The following DSCAML1 variants were observed in gnomAD, a reference collection of about 807,000 sequenced individuals.
DSCAML1 encodes the protein DS cell adhesion molecule like 1.
A neutral mutation model predicts 200.5 loss-of-function variants in DSCAML1; 38 were observed. That is an observed-to-expected ratio of 0.19 (90% CI 0.15 to 0.25). DSCAML1 has a LOEUF of 0.25. Ranked by LOEUF, DSCAML1 falls within the 10% of genes least tolerant of loss-of-function variation. The pLI is 1.00. For missense variants in DSCAML1, 2,223 were observed against 2,858.8 expected (o/e 0.78, Z 5.07); for synonymous variants, 1,215 against 1,165.0 (o/e 1.04, Z -0.87).
intron 20 of DSCAML1, among the ~76,000 whole-genome samples, chr11:117,447,819 C>T (rs766826808): frequency 4.6e-5 from 7 of 152,188 alleles, no homozygotes; most frequent in Non-Finnish European, 5.9e-5. Context: ...CACTGATACG[C>T]GCGTGTGCCC....
chr11:117,493,898 G>A (rs2137253590), intron 11 of DSCAML1, among the ~76,000 whole-genome samples: 1 of 152,288 alleles, frequency 6.6e-6, no homozygotes, highest in East Asian at 1.9e-4. Context: ...AGAATGGTGG[G>A]ATTACAGGTG....
chr11:117,752,053 T>TGG (rs1165166010), intron 3 of DSCAML1, among the ~76,000 whole-genome samples: 3 of 152,200 alleles, frequency 2.0e-5, no homozygotes, highest in African/African-American at 7.2e-5. Flanking sequence ...TGTGTGTGTG[T>TGG]GTGTCACTTC....
At chr11:117,605,102 C>G (rs892616279) in intron 3 of DSCAML1, among the ~76,000 whole-genome samples, 7 of 152,182 alleles carry the variant, frequency 4.6e-5, no homozygotes, top group Non-Finnish European at 7.4e-5. Flanking sequence ...AATCATAGCT[C>G]ACTGCAGCCT....
At chr11:117,528,400 G>GC (rs2050017444) in intron 4 of DSCAML1, among the ~76,000 whole-genome samples, 1 of 152,248 alleles carries the variant, frequency 6.6e-6, no homozygotes, top group African/African-American at 2.4e-5. Context: ...TTACTCCAGA[G>GC]CAGAAGTAAA....
intron 3 of DSCAML1, among the ~76,000 whole-genome samples, chr11:117,650,220 C>T (rs2052601885): frequency 1.3e-5 from 2 of 152,142 alleles, no homozygotes; most frequent in Admixed American, 6.5e-5. Flanking sequence ...TGTGTCTGCC[C>T]ACTCCCCACA....
intron 3 of DSCAML1, among the ~76,000 whole-genome samples, chr11:117,645,228 GT>G (rs1333640227): frequency 6.6e-6 from 1 of 152,182 alleles, no homozygotes; most frequent in African/African-American, 2.4e-5. Context: ...CTCCCTCCCA[GT>G]TTGATGGATA....
intron 3 of DSCAML1, among the ~76,000 whole-genome samples, chr11:117,727,731 A>G (rs1418993698): frequency 6.6e-6 from 1 of 152,196 alleles, no homozygotes; most frequent in Non-Finnish European, 1.5e-5. Context: ...ACAAGAAGTT[A>G]TAGGCCAAGA....
chr11:117,547,362 G>A (rs75809806), intron 3 of DSCAML1, among the ~76,000 whole-genome samples: 2,298 of 152,302 alleles, frequency 0.015, 36 homozygotes, highest in East Asian at 0.078. Context: ...GCTGCACGGC[G>A]GCAGGGAAGG....
At chr11:117,622,563 G>A (rs967708847) in intron 3 of DSCAML1, among the ~76,000 whole-genome samples, 3 of 152,134 alleles carry the variant, frequency 2.0e-5, no homozygotes, top group South Asian at 2.1e-4. Flanking sequence ...TCCTTCACAC[G>A]TGCATTCTGG....
At chr11:117,756,005 C>T (rs1246900710) in intron 3 of DSCAML1, among the ~76,000 whole-genome samples, 1 of 152,254 alleles carries the variant, frequency 6.6e-6, no homozygotes, top group South Asian at 2.1e-4. Context: ...AGCTTACTGC[C>T]ATGAGTTTTC....
chr11:117,706,628 C>T (rs1200653324), intron 3 of DSCAML1, among the ~76,000 whole-genome samples: 1 of 152,202 alleles, frequency 6.6e-6, no homozygotes, highest in Non-Finnish European at 1.5e-5. Flanking sequence ...GTGTCGCAGC[C>T]AACGCCCTCA....
In DSCAML1 at chr11:117,443,866, C is replaced by T. The variant is rs1178233921; in HGVS notation, c.3862+20G>A. On this transcript the variant is annotated intron_variant, in intron 21 of 32. Transcript: ENST00000651296. ...CTTTTGGAAGTGTTTGCCCCTCTGC[C>T]ACAGCCTCAGGCTTCTCACCCTTGC... 6.4e-7 allele frequency: 1 copy of T among 1,572,274 alleles called. No individual in the cohort carries two copies. Among genetic ancestry groups the T allele is most frequent in the Non-Finnish European group, 8.6e-7 (1 of 1,158,764 alleles).
At chr11:117,581,128 C>T (rs947972807) in intron 3 of DSCAML1, among the ~76,000 whole-genome samples, 2 of 152,176 alleles carry the variant, frequency 1.3e-5, no homozygotes, top group African/African-American at 4.8e-5. Context: ...GCACTGTGGC[C>T]CTTTTGCCCC....
chr11:117,795,412 C>T (rs1341097875), intron 1 of DSCAML1, among the ~76,000 whole-genome samples: 1 of 151,204 alleles, frequency 6.6e-6, no homozygotes, highest in African/African-American at 2.4e-5. Flanking sequence ...CCTGCGGGGG[C>T]GGAGGGAGGC....
At chr11:117,699,513 A>G (rs1260065258) in intron 3 of DSCAML1, among the ~76,000 whole-genome samples, 1 of 152,180 alleles carries the variant, frequency 6.6e-6, no homozygotes, top group African/African-American at 2.4e-5. Flanking sequence ...CAGTCACAGG[A>G]GAGTGCTGCA....
At chr11:117,595,313 A>G (rs2137495222) in intron 3 of DSCAML1, among the ~76,000 whole-genome samples, 1 of 152,356 alleles carries the variant, frequency 6.6e-6, no homozygotes, top group Non-Finnish European at 1.5e-5. Context: ...GTTGTAAGAA[A>G]TTTGGAAAAT....
chr11:117,719,113 AG>A (rs1468605439), intron 3 of DSCAML1, among the ~76,000 whole-genome samples: 1 of 152,014 alleles, frequency 6.6e-6, no homozygotes, highest in Admixed American at 6.6e-5. Flanking sequence ...ACCTAGGGGG[AG>A]GGTGCTGTTA....
rs111750730 is a variant in DSCAML1 at position 117,729,632 on chromosome 11, T to G, written c.511+47159A>C. On this transcript the variant is annotated intron_variant, in intron 3 of 32. Coordinates refer to ENST00000651296, the MANE Select transcript of DSCAML1 (RefSeq NM_020693.4). ...TTATGTCTTTATATCTAAGAAAATA[T>G]ATGAATGGCCAATAAACACCTGAAA... Among the ~76,000 whole-genome samples, 393 of 152,282 alleles carry G rather than the reference T, an allele frequency of 2.6e-3. 2 individuals carry two copies. Among genetic ancestry groups the G allele is most frequent in the African/African-American group, 9.0e-3 (375 of 41,564 alleles).
At chr11:117,617,680 GCACACACACACACACA>G (rs36207373) in intron 3 of DSCAML1, among the ~76,000 whole-genome samples, 49 of 142,904 alleles carry the variant, frequency 3.4e-4, no homozygotes, top group East Asian at 8.3e-4. Flanking sequence ...ACAGGTACAC[GCACACACACACACACA>G]CACACACACA....
Sources: gnomAD v4.1 joint callset for allele counts (sites outside exome capture counted in the v4.1 genomes callset) on GRCh38, gnomAD v4.1.1 for gene constraint, MANE v1.5 for transcripts, NCBI Gene and HGNC (gene_info 2026-07-23, HGNC 2026-07-21) for gene names.